The following SLC44A5 variants were observed in gnomAD, a reference collection of about 807,000 sequenced individuals.
SLC44A5 encodes the protein solute carrier family 44 member 5, also known as choline transporter-like protein 5.
In SLC44A5, 57 loss-of-function variants were observed where a neutral mutation model predicts 101.8. The observed-to-expected ratio is 0.56, with a 90% CI of 0.45 to 0.70. SLC44A5 has a LOEUF of 0.70. Among genes scored for constraint, SLC44A5 ranks in the 30% least tolerant of loss-of-function variants. The probability of loss-of-function intolerance (pLI) is 0.00; values close to 1 mark genes in which losing one functional copy is unlikely to be tolerated. For missense variants in SLC44A5, 737 were observed against 853.1 expected, an observed-to-expected ratio of 0.86 and a Z score of 1.70; for synonymous variants, 281 against 290.9, an observed-to-expected ratio of 0.97 and a Z score of 0.35.
intron 10 of SLC44A5, 31 bp from the exon 11 acceptor site, chr1:75,237,101 T>A (rs1442644944): frequency 7.6e-7 from 1 of 1,321,080 alleles, no homozygotes. Context: ...AAATCAATTA[T>A]TTTTTGATGA....
chr1:75,430,910 CT>C (rs1197656080), intron 2 of SLC44A5, among the ~76,000 whole-genome samples: 1 of 152,236 alleles, frequency 6.6e-6, no homozygotes, highest in Non-Finnish European at 1.5e-5. Flanking sequence ...TCTCTTGTAA[CT>C]TTGCCCAAGC....
chr1:75,367,688 G>A (rs1659951998), intron 3 of SLC44A5, among the ~76,000 whole-genome samples: 1 of 152,206 alleles, frequency 6.6e-6, no homozygotes, highest in Admixed American at 6.5e-5. Flanking sequence ...GCCAAATGGG[G>A]CTGTAGCAGA....
At chr1:75,456,372 T>A (rs1360453045) in intron 2 of SLC44A5, among the ~76,000 whole-genome samples, 1 of 152,118 alleles carries the variant, frequency 6.6e-6, no homozygotes. Context: ...AAAAGGGAAG[T>A]AAGAGTTGAA....
the SLC44A5 span, among the ~76,000 whole-genome samples, chr1:75,646,148 G>GT: frequency 7.4e-6 from 1 of 135,344 alleles, no homozygotes; most frequent in African/African-American, 2.5e-5. Context: ...CTTTAAAGTA[G>GT]TTTTTTCCAA....
chr1:75,518,073 C>T (rs1333109685), intron 2 of SLC44A5, among the ~76,000 whole-genome samples: 3 of 152,136 alleles, frequency 2.0e-5, no homozygotes, highest in South Asian at 2.1e-4. Flanking sequence ...CATATATATT[C>T]GAAGGAATTA....
chr1:75,644,740 T>C, the SLC44A5 span, among the ~76,000 whole-genome samples: 2 of 152,126 alleles, frequency 1.3e-5, no homozygotes, highest in East Asian at 3.9e-4. Flanking sequence ...GCTGCACCTA[T>C]TAACTCATCA....
intron 4 of SLC44A5, among the ~76,000 whole-genome samples, chr1:75,333,815 C>T (rs1210227649): frequency 6.6e-6 from 1 of 152,166 alleles, no homozygotes; most frequent in Non-Finnish European, 1.5e-5. Flanking sequence ...GTGACCCTTG[C>T]ACTCATACTT....
the SLC44A5 span, among the ~76,000 whole-genome samples, chr1:75,646,607 A>C: frequency 1.3e-5 from 2 of 152,274 alleles, no homozygotes; most frequent in East Asian, 3.9e-4. Flanking sequence ...AGGTAATTAG[A>C]ACAAGGGGGT....
At chr1:75,513,768 C>T (rs2101877223) in intron 2 of SLC44A5, among the ~76,000 whole-genome samples, 1 of 152,276 alleles carries the variant, frequency 6.6e-6, no homozygotes, top group Non-Finnish European at 1.5e-5. Flanking sequence ...ATTGGCTCTT[C>T]TCTTCATTGT....
At chr1:75,532,353 A>C (rs568073117) in intron 2 of SLC44A5, among the ~76,000 whole-genome samples, 6 of 152,178 alleles carry the variant, frequency 3.9e-5, no homozygotes, top group Non-Finnish European at 8.8e-5. Flanking sequence ...TCAGATTATC[A>C]TCTATAAAAT....
Position 75,549,060 on chromosome 1 carries a change from T to C in SLC44A5, c.-69-7544A>G, listed in dbSNP as rs182267351. ...ATCCTCGTTGAAGACAGATGAGATT[T>C]AAGGAAATCTAGTCAACATCTGCAG... On this transcript the variant is annotated intron_variant, in intron 1 of 23. Transcript: ENST00000370859. Among the ~76,000 whole-genome samples the C allele has an allele frequency of 5.3e-4, 80 of 152,272 alleles. 1 individual carries two copies. The highest frequency in any genetic ancestry group is 1.8e-3 in the African/African-American group (75 of 41,582).
chr1:75,270,126 C>T (rs547054819), intron 6 of SLC44A5, among the ~76,000 whole-genome samples: 9 of 152,226 alleles, frequency 5.9e-5, no homozygotes, highest in African/African-American at 2.2e-4. Context: ...TACATATTAC[C>T]CAGTCTCAGG....
At chr1:75,361,452 T>C (rs1659482605) in intron 3 of SLC44A5, among the ~76,000 whole-genome samples, 3 of 152,118 alleles carry the variant, frequency 2.0e-5, no homozygotes, top group Admixed American at 2.0e-4. Context: ...AGTTTCACTA[T>C]TGAAACTTTC....
At chr1:75,277,398 A>G (rs1652010547) in intron 5 of SLC44A5, among the ~76,000 whole-genome samples, 1 of 152,184 alleles carries the variant, frequency 6.6e-6, no homozygotes, top group Non-Finnish European at 1.5e-5. Context: ...GCTGCAGCTC[A>G]GAGTTTAATT....
intron 4 of SLC44A5, among the ~76,000 whole-genome samples, chr1:75,325,571 T>C (rs571787855): frequency 1.1e-4 from 16 of 152,170 alleles, no homozygotes; most frequent in African/African-American, 2.4e-4. Context: ...TGAGAGACAA[T>C]GAGAGAGAGA....
At chr1:75,682,994 C>T in the SLC44A5 span, among the ~76,000 whole-genome samples, 2 of 152,056 alleles carry the variant, frequency 1.3e-5, no homozygotes, top group African/African-American at 4.8e-5. Flanking sequence ...AGCCAAAAAA[C>T]ACATGAAAAA....
At chr1:75,432,356 A>G (rs1449234724) in intron 2 of SLC44A5, among the ~76,000 whole-genome samples, 1 of 152,190 alleles carries the variant, frequency 6.6e-6, no homozygotes, top group Non-Finnish European at 1.5e-5. Flanking sequence ...CACAGGGGGA[A>G]ACAGTCATCT....
chr1:75,679,316 T>G, the SLC44A5 span, among the ~76,000 whole-genome samples: 1 of 152,100 alleles, frequency 6.6e-6, no homozygotes, highest in East Asian at 1.9e-4. Context: ...ATTGTCAGAT[T>G]CACCAAAGTT....
At chr1:75,594,826 T>C (rs1169900972) in intron 1 of SLC44A5, among the ~76,000 whole-genome samples, 2 of 151,928 alleles carry the variant, frequency 1.3e-5, no homozygotes, top group Admixed American at 6.6e-5. Context: ...ACTAACAATG[T>C]TAACCAGTAA....
Sources: allele counts gnomAD v4.1 joint callset (sites outside exome capture counted in the v4.1 genomes callset), GRCh38; gene constraint gnomAD v4.1.1; transcripts MANE v1.5; gene names NCBI Gene and HGNC (gene_info 2026-07-23, HGNC 2026-07-21).